The following TRIM24 variants were observed in gnomAD, a reference collection of about 807,000 sequenced individuals.
TRIM24 encodes tripartite motif containing 24.
In TRIM24, 29 loss-of-function variants were observed where a neutral mutation model predicts 123.9. The observed-to-expected ratio is 0.23, with a 90% CI of 0.17 to 0.32. The LOEUF is 0.32. Ranked by LOEUF, TRIM24 falls within the 10% of genes least tolerant of loss-of-function variation. TRIM24 has a pLI of 1.00. For synonymous variants in TRIM24, 456 were observed against 461.1 expected, an observed-to-expected ratio of 0.99 and a Z score of 0.14; for missense variants, 932 against 1,295.3, an observed-to-expected ratio of 0.72 and a Z score of 4.31.
chr7:138,507,855 C>T (rs755886682), intron 2 of TRIM24, among the ~76,000 whole-genome samples: 3 of 151,810 alleles, frequency 2.0e-5, no homozygotes, highest in Non-Finnish European at 4.4e-5. Context: ...ATCACCTGTG[C>T]TCAAGAAGAT....
chr7:138,498,256 G>A (rs1005827085), intron 1 of TRIM24, among the ~76,000 whole-genome samples: 7 of 151,630 alleles, frequency 4.6e-5, no homozygotes, highest in Admixed American at 2.0e-4. Context: ...ACAGAGTCTC[G>A]CTCTGTCACC....
chr7:138,579,137 G>T, intron 14 of TRIM24, 67 bp from the exon 15 acceptor site: 2 of 1,356,152 alleles, frequency 1.5e-6, no homozygotes, highest in Non-Finnish European at 2.0e-6. Flanking sequence ...GTGGTCTACA[G>T]TTCAGAATTG....
rs145956073 is a variant in TRIM24 at position 138,510,157 on chromosome 7, C to T, written c.484-5055C>T. 1.4e-4 allele frequency among the ~76,000 whole-genome samples: 21 copies of T among 152,296 alleles called. No homozygotes were observed. The East Asian group carries it at 2.9e-3, about 21-fold the overall frequency. On this transcript the variant is annotated intron_variant, in intron 2 of 18. Coordinates refer to ENST00000343526, the MANE Select transcript of TRIM24 (RefSeq NM_015905.3). ...TGCAGGTAGGAAGAAAAGAGGAAGC[C>T]GACTATGAGAATCAAGTGCCTTCTT...
intron 1 of TRIM24, among the ~76,000 whole-genome samples, chr7:138,496,462 C>A (rs1242076139): frequency 1.3e-5 from 2 of 152,082 alleles, no homozygotes; most frequent in African/African-American, 4.8e-5. Flanking sequence ...TAAAACAGTT[C>A]CGAACAGAAG....
At chr7:138,538,004 A>G (rs1462099678) in intron 6 of TRIM24, among the ~76,000 whole-genome samples, 1 of 152,196 alleles carries the variant, frequency 6.6e-6, no homozygotes, top group Non-Finnish European at 1.5e-5. Flanking sequence ...TTGATTATCC[A>G]TCTTCTCTAA....
Position 138,460,837 on chromosome 7 carries a change from G to C in TRIM24, c.289G>C (p.Gly97Arg). The C allele has an allele frequency of 1.3e-6, 2 of 1,572,074 alleles. No individual in the cohort carries two copies. The highest frequency in any genetic ancestry group is 2.5e-5 in the East Asian group (1 of 40,434). The change falls in exon 1 of 19, where the codon GGC becomes CGC. Residue 97 changes from glycine to arginine, a missense_variant. By Grantham distance (125) the Gly-to-Arg change is moderately radical. This residue lies in a region of TRIM24 where 164 missense variants were observed against 181.9 expected (regional missense o/e 0.90). Coordinates refer to ENST00000343526, the MANE Select transcript of TRIM24 (RefSeq NM_015905.3). ...CCTCATGCTGCCCGCGCCCATGCTG[G>C]GCTCGGCCGAGACCCCGCCACCCGT... ...RYLMLPAPMLGSAETPPPVPA... is the reference protein window; with the variant it reads ...RYLMLPAPMLRSAETPPPVPA...
chr7:138,573,147 T>G (rs185469439), intron 11 of TRIM24, among the ~76,000 whole-genome samples: 1 of 152,340 alleles, frequency 6.6e-6, no homozygotes, highest in Non-Finnish European at 1.5e-5. Context: ...TTAAAGAGAT[T>G]CGCAAGAAAT....
At chr7:138,549,840 C>T (rs151212599) in intron 7 of TRIM24, among the ~76,000 whole-genome samples, 4 of 151,974 alleles carry the variant, frequency 2.6e-5, no homozygotes, top group Non-Finnish European at 5.9e-5. Context: ...GCAGGCAAGA[C>T]GGGGTGTGCT....
Position 138,460,815 on chromosome 7 carries a change from C to G in TRIM24, c.267C>G (p.Leu89=). The change falls in exon 1 of 19, where the codon CTC becomes CTG. Residue 89 remains leucine, a synonymous_variant. Coordinates refer to ENST00000343526, the MANE Select transcript of TRIM24 (RefSeq NM_015905.3). ...GCCTGCCCGCGCCCCAGCGCTACCT[C>G]ATGCTGCCCGCGCCCATGCTGGGCT... ...QRCLPAPQRY[L]MLPAPMLGSA... 1 of 1,581,072 alleles carries G rather than the reference C, an allele frequency of 6.3e-7. No homozygotes were observed. The highest frequency in any genetic ancestry group is 8.6e-7 in the Non-Finnish European group (1 of 1,168,276).
intron 17 of TRIM24, 38 bp downstream of exon 17, chr7:138,581,809 G>A (rs1797900684): frequency 6.7e-7 from 1 of 1,499,738 alleles, no homozygotes; most frequent in Admixed American, 1.9e-5. Flanking sequence ...TTTACACAGT[G>A]GAATGCTTTT....
intron 6 of TRIM24, among the ~76,000 whole-genome samples, chr7:138,535,170 A>G (rs1467950635): frequency 2.6e-5 from 4 of 152,094 alleles, no homozygotes; most frequent in Non-Finnish European, 4.4e-5. Context: ...TCTTGATCCA[A>G]TTTGTCAGTC....
At chr7:138,463,790 C>T (rs989095008) in intron 1 of TRIM24, among the ~76,000 whole-genome samples, 5 of 151,918 alleles carry the variant, frequency 3.3e-5, no homozygotes, top group East Asian at 3.9e-4. Flanking sequence ...TCAAAGAAAG[C>T]GTTTAAATTG....
intron 1 of TRIM24, among the ~76,000 whole-genome samples, chr7:138,483,215 C>G (rs1344293726): frequency 6.6e-6 from 1 of 151,164 alleles, no homozygotes; most frequent in East Asian, 2.0e-4. Flanking sequence ...GGATCCTAGG[C>G]ATTAGCCACT....
chr7:138,517,458 C>T lies in TRIM24; in HGVS notation c.632-1731C>T, dbSNP rs182794699. Among the ~76,000 whole-genome samples, 57 of 152,160 alleles carry T rather than the reference C, an allele frequency of 3.7e-4. 1 individual carries two copies. In the East Asian group the frequency reaches 0.011, roughly 28 times the overall value. On this transcript the variant is annotated intron_variant, in intron 3 of 18. Coordinates refer to ENST00000343526, the MANE Select transcript of TRIM24 (RefSeq NM_015905.3). ...CGATCTCAGCTCACTGCAAGCGCCACCTCCTGGGTTCAAGCGATTCTCCTA... is the reference window on the plus strand; with the variant it reads ...CGATCTCAGCTCACTGCAAGCGCCATCTCCTGGGTTCAAGCGATTCTCCTA...
chr7:138,484,360 A>G (rs923902773), intron 1 of TRIM24, among the ~76,000 whole-genome samples: 1 of 151,094 alleles, frequency 6.6e-6, no homozygotes, highest in Non-Finnish European at 1.5e-5. Flanking sequence ...CCACCCACCT[A>G]GGCCTCCCAA....
chr7:138,571,041 A>G, intron 11 of TRIM24, 38 bp downstream of exon 11: 2 of 1,606,904 alleles, frequency 1.2e-6, no homozygotes, highest in Non-Finnish European at 1.7e-6. Context: ...CTCTGTTGAA[A>G]ACTGTTGGCC....
At chr7:138,481,663 G>A (rs780131588) in intron 1 of TRIM24, among the ~76,000 whole-genome samples, 20 of 151,744 alleles carry the variant, frequency 1.3e-4, no homozygotes, top group Non-Finnish European at 1.9e-4. Flanking sequence ...CAAACAAAAC[G>A]AGCCAGGCAT....
chr7:138,560,272 G>A (rs551101208), intron 9 of TRIM24, among the ~76,000 whole-genome samples: 2 of 151,912 alleles, frequency 1.3e-5, no homozygotes, highest in South Asian at 4.1e-4. Flanking sequence ...GCTAGATCTT[G>A]AGCTATTTCG....
At chr7:138,547,089 A>G (rs1298088925) in intron 7 of TRIM24, among the ~76,000 whole-genome samples, 1 of 152,242 alleles carries the variant, frequency 6.6e-6, no homozygotes, top group African/African-American at 2.4e-5. Flanking sequence ...CCAATGGAAT[A>G]CTATTAAGCT....
Sources: gnomAD v4.1 joint callset for allele counts (sites outside exome capture counted in the v4.1 genomes callset) on GRCh38, gnomAD v4.1.1 for gene constraint, gnomAD v4.1.1 regional missense constraint, MANE v1.5 for transcripts, NCBI Gene and HGNC (gene_info 2026-07-23, HGNC 2026-07-21) for gene names.